Variants in PCDH15 observed in about 807,000 individuals in gnomAD.
The protein encoded by PCDH15 is protocadherin-15.
In PCDH15, 129 loss-of-function variants were observed where a neutral mutation model predicts 178.5. That is an observed-to-expected ratio of 0.72 (90% CI 0.63 to 0.84). The LOEUF is 0.84. Ranked by LOEUF, PCDH15 falls within the 40% of genes least tolerant of loss-of-function variation. The pLI, the probability that PCDH15 is intolerant of heterozygous loss-of-function variation, is 0.00. For synonymous variants in PCDH15, 800 were observed against 732.0 expected (o/e 1.09, Z -1.50); for missense variants, 2,230 against 2,099.9 (o/e 1.06, Z -1.21).
intron 3 of PCDH15, among the ~76,000 whole-genome samples, chr10:54,395,044 C>A (rs1951029253): frequency 6.6e-6 from 1 of 152,038 alleles, no homozygotes; most frequent in South Asian, 2.1e-4. Flanking sequence ...AACACACATG[C>A]TGTACAATTT....
At chr10:55,093,086 A>ATTTCACAGAAATCTAAATT (rs1842356846) in intron 2 of PCDH15, among the ~76,000 whole-genome samples, 1 of 152,098 alleles carries the variant, frequency 6.6e-6, no homozygotes, top group Non-Finnish European at 1.5e-5. Flanking sequence ...TTTATTTTAG[A>ATTTCACAGAAATCTAAATT]TTTCACAGAA....
At chr10:55,434,376 G>A (rs1355065802) in intron 2 of PCDH15, among the ~76,000 whole-genome samples, 2 of 151,644 alleles carry the variant, frequency 1.3e-5, no homozygotes, top group African/African-American at 4.8e-5. Context: ...TTTTTCAAAC[G>A]CTATTGCTTT....
intron 3 of PCDH15, among the ~76,000 whole-genome samples, chr10:54,886,621 G>T (rs1017780603): frequency 6.6e-6 from 1 of 152,224 alleles, no homozygotes; most frequent in African/African-American, 2.4e-5. Flanking sequence ...AACTAGGCGG[G>T]TGTGGTGGCA....
At chr10:54,094,007 A>G (rs2094649490) in intron 15 of PCDH15, among the ~76,000 whole-genome samples, 1 of 152,150 alleles carries the variant, frequency 6.6e-6, no homozygotes, top group Non-Finnish European at 1.5e-5. Context: ...GAAAAGTATG[A>G]CAGCAGTTAT....
At chr10:54,629,908 T>C (rs2093656484) in intron 2 of PCDH15, among the ~76,000 whole-genome samples, 2 of 152,166 alleles carry the variant, frequency 1.3e-5, no homozygotes, top group Middle Eastern at 3.4e-3. Context: ...GGATCCAAAA[T>C]CCACATACAA....
At chr10:54,403,425 G>A (rs1175542094) in intron 3 of PCDH15, among the ~76,000 whole-genome samples, 1 of 151,988 alleles carries the variant, frequency 6.6e-6, no homozygotes, top group Non-Finnish European at 1.5e-5. Context: ...AAAAAGTTAG[G>A]TATTGAAGGA....
chr10:54,805,436 A>C (rs1416477230), upstream of PCDH15, among the ~76,000 whole-genome samples: 1 of 152,174 alleles, frequency 6.6e-6, no homozygotes, highest in African/African-American at 2.4e-5. Context: ...TTATAATCAC[A>C]AAAAGACCTT....
In PCDH15 at chr10:55,152,864, A is replaced by T. The variant is rs75115767; in HGVS notation, c.-80+13712T>A. Among the ~76,000 whole-genome samples, 934 of 152,298 alleles carry T rather than the reference A, an allele frequency of 6.1e-3. 11 individuals are homozygous for T. The highest frequency in any genetic ancestry group is 0.022 in the African/African-American group (895 of 41,588). Reference sequence around the variant, plus strand: ...AAAAAAGCATAGCACTGTTGTGATTATGTGTATGGACACATACACACACAC... The same window carrying T: ...AAAAAAGCATAGCACTGTTGTGATTTTGTGTATGGACACATACACACACAC... On this transcript the variant is annotated intron_variant, in intron 2 of 5. Coordinates refer to the PCDH15 transcript ENST00000458638.
intron 2 of PCDH15, among the ~76,000 whole-genome samples, chr10:55,543,090 T>C (rs540480342): frequency 1.8e-5 from 2 of 110,486 alleles, no homozygotes; most frequent in Admixed American, 1.9e-4. Flanking sequence ...TACAGACATA[T>C]GTATGTGTCT....
chr10:55,395,168 CGT>C (rs35472682), intron 2 of PCDH15, among the ~76,000 whole-genome samples: 206 of 127,978 alleles, frequency 1.6e-3, no homozygotes, highest in East Asian at 0.011. Flanking sequence ...TATTTAACTG[CGT>C]GTGTGTGTGT....
intron 3 of PCDH15, among the ~76,000 whole-genome samples, chr10:54,403,537 C>T (rs188601556): frequency 6.6e-6 from 1 of 152,024 alleles, no homozygotes; most frequent in Admixed American, 6.6e-5. Context: ...CGGCACAGGA[C>T]AAAGATACCC....
chr10:54,402,469 A>G (rs915221864), intron 3 of PCDH15, among the ~76,000 whole-genome samples: 2 of 151,918 alleles, frequency 1.3e-5, no homozygotes, highest in Non-Finnish European at 2.9e-5. Flanking sequence ...GCCACCTTTT[A>G]TTGCTTTCTT....
At chr10:54,821,607 G>A (rs1367712833) in intron 3 of PCDH15, among the ~76,000 whole-genome samples, 3 of 151,942 alleles carry the variant, frequency 2.0e-5, no homozygotes, top group Non-Finnish European at 4.4e-5. Flanking sequence ...TATATTTATG[G>A]TAGTATTATC....
At chr10:54,599,687 T>C (rs1156625634) in intron 2 of PCDH15, 3 of 434,386 alleles carry the variant, frequency 6.9e-6, no homozygotes, top group Non-Finnish European at 1.3e-5. Flanking sequence ...TAGTCTCCAG[T>C]GAAAGCAACT....
At chr10:55,627,063 C>G (rs1205832477) in intron 2 of PCDH15, among the ~76,000 whole-genome samples, 2 of 151,992 alleles carry the variant, frequency 1.3e-5, no homozygotes, top group Admixed American at 6.6e-5. Context: ...CTAGAGATAA[C>G]GATGAGAGAG....
chr10:53,860,694 G>A (rs2079047020), intron 27 of PCDH15, among the ~76,000 whole-genome samples: 1 of 136,444 alleles, frequency 7.3e-6, no homozygotes, highest in Admixed American at 8.1e-5. Flanking sequence ...TCACGCCACT[G>A]CACTCCAGTC....
chr10:54,143,948 C>G (rs1410849444), intron 14 of PCDH15, among the ~76,000 whole-genome samples: 2 of 151,924 alleles, frequency 1.3e-5, no homozygotes, highest in African/African-American at 4.8e-5. Context: ...GGGAAAGGTT[C>G]CAGAAAAGCC....
intron 21 of PCDH15, among the ~76,000 whole-genome samples, chr10:53,968,570 C>A (rs192272704): frequency 0.015 from 2,270 of 152,260 alleles, 65 homozygotes; most frequent in African/African-American, 0.052. Flanking sequence ...GGGTCCCTGA[C>A]CCCCAAGTAG....
At chr10:54,334,682 A>AAC (rs3069761) in intron 6 of PCDH15, among the ~76,000 whole-genome samples, 10,278 of 150,028 alleles carry the variant, frequency 0.069, 410 homozygotes, top group African/African-American at 0.1. Flanking sequence ...ATTTCTAAAG[A>AAC]ACACACACAC....
Sources: gnomAD v4.1 joint callset for allele counts (sites outside exome capture counted in the v4.1 genomes callset) on GRCh38, gnomAD v4.1.1 for gene constraint, MANE v1.5 for transcripts, NCBI Gene and HGNC (gene_info 2026-07-23, HGNC 2026-07-21) for gene names.